TPCN1: variants seen among roughly 807,000 people sequenced by gnomAD.
TPCN1 encodes the protein two pore segment channel 1, also known as two pore channel protein 1.
TPCN1 carries 52 observed loss-of-function variants against 108.8 expected under a neutral mutation model. The ratio of observed to expected loss-of-function variants is 0.48; its 90% CI spans 0.38 to 0.60. The LOEUF (loss-of-function observed/expected upper bound fraction) is 0.60, where lower values mean the gene tolerates loss of function less well. Ranked by LOEUF, TPCN1 falls within the 20% of genes least tolerant of loss-of-function variation. The pLI, the probability that TPCN1 is intolerant of heterozygous loss-of-function variation, is 0.00. For synonymous variants in TPCN1, 446 were observed against 433.7 expected (o/e 1.03, Z -0.35); for missense variants, 806 against 1,072.8 (o/e 0.75, Z 3.47).
chr12:113,245,634 G>C (rs1954347594), intron 2 of TPCN1, among the ~76,000 whole-genome samples: 1 of 151,586 alleles, frequency 6.6e-6, no homozygotes, highest in Admixed American at 6.6e-5. Context: ...AAAGAAAAGG[G>C]GTAGGCCCCT....
intron 25 of TPCN1, 69 bp downstream of exon 25, chr12:113,292,027 G>C: frequency 1.4e-6 from 2 of 1,380,094 alleles, no homozygotes; most frequent in Non-Finnish European, 2.1e-6. Context: ...GTCTGTCTGG[G>C]TGGCTGTCCA....
intron 27 of TPCN1, among the ~76,000 whole-genome samples, chr12:113,295,637 C>A (rs1041004588): frequency 6.6e-6 from 1 of 152,020 alleles, no homozygotes; most frequent in Non-Finnish European, 1.5e-5. Flanking sequence ...CAAAAGGGGT[C>A]ACTCGGGGGG....
In TPCN1 at chr12:113,268,729, C is replaced by T; in HGVS notation, c.529-13C>T. On this transcript the variant is annotated splice_polypyrimidine_tract_variant and intron_variant, in intron 5 of 27. Transcript: ENST00000335509. This position sits in a 1 kb window ranked among gnomAD's most constrained non-coding sequence, Gnocchi z 7.3. ...TGCAGGGGCTGACGGTGCTCCATGC[C>T]TGCCACCCACAGACCTCGGTGCTGG... The T allele has an allele frequency of 6.2e-7, 1 of 1,612,878 alleles. No homozygotes were observed. The highest frequency in any genetic ancestry group is 1.1e-5 in the South Asian group (1 of 90,986).
In TPCN1 at chr12:113,288,148, GTCC is replaced by G. The variant is rs765676954; in HGVS notation, c.1635-9_1635-7del. ...GCACCTGTGTGTGGAGGTGACGGGT[GTCC>G]TCCTCGCTCAGGTTGTTTAAGTTGA... On this transcript the variant is annotated splice_polypyrimidine_tract_variant and intron_variant, in intron 19 of 27. Transcript: ENST00000335509. The surrounding 1 kb of genome is among the most constrained non-coding windows in gnomAD (Gnocchi z 4.8). The G allele has an allele frequency of 2.2e-5, 36 of 1,608,896 alleles. No individual in the cohort carries two copies. The highest frequency in any genetic ancestry group is 2.7e-5 in the Non-Finnish European group (32 of 1,176,630).
At chr12:113,264,072 A>ATT (rs11333427) in intron 3 of TPCN1, among the ~76,000 whole-genome samples, 3 of 147,966 alleles carry the variant, frequency 2.0e-5, no homozygotes, top group South Asian at 4.3e-4. Flanking sequence ...CAAGAAATAC[A>ATT]TTTTTTTTTT....
Position 113,266,938 on chromosome 12 carries a change from T to A in TPCN1, c.414+582T>A, listed in dbSNP as rs1955285199. Among the ~76,000 whole-genome samples the A allele has an allele frequency of 1.3e-5, 2 of 152,186 alleles. No homozygotes were observed. Among genetic ancestry groups the A allele is most frequent in the Non-Finnish European group, 2.9e-5 (2 of 68,024 alleles). ...CTCCAAGGCCCTCCATGACTCAGTT[T>A]CCCTTCCTGTTTCTCCTTCTTCATG... is the stretch of plus-strand genomic sequence containing the variant. On this transcript the variant is annotated intron_variant, in intron 4 of 27. Transcript: ENST00000335509. This position sits in a 1 kb window ranked among gnomAD's most constrained non-coding sequence, Gnocchi z 4.2.
intron 2 of TPCN1, among the ~76,000 whole-genome samples, chr12:113,227,203 T>C (rs1953503299): frequency 6.6e-6 from 1 of 152,198 alleles, no homozygotes; most frequent in Non-Finnish European, 1.5e-5. Context: ...CGCTACCTTC[T>C]CCACTGCCTG....
At chr12:113,223,517 T>G (rs924620330) in intron 1 of TPCN1, among the ~76,000 whole-genome samples, 2 of 151,234 alleles carry the variant, frequency 1.3e-5, no homozygotes, top group African/African-American at 4.9e-5. Flanking sequence ...CTCGGAGTGT[T>G]TTACTTATTT....
intron 10 of TPCN1, among the ~76,000 whole-genome samples, chr12:113,276,325 C>T (rs902859152): frequency 6.6e-6 from 1 of 152,218 alleles, no homozygotes; most frequent in Non-Finnish European, 1.5e-5. Context: ...CCCGGCCTTC[C>T]ATCCCCCTCT....
At position 113,272,087 on chromosome 12, in the gene TPCN1, G is replaced by C. The variant is rs144340408; in HGVS notation, c.749-571G>C. Among the ~76,000 whole-genome samples, 703 of 152,198 alleles carry C rather than the reference G, an allele frequency of 4.6e-3. 6 individuals are homozygous for C. The highest frequency in any genetic ancestry group is 0.016 in the African/African-American group (666 of 41,530). On this transcript the variant is annotated intron_variant, in intron 7 of 27. Coordinates refer to ENST00000335509, the MANE Select transcript of TPCN1 (RefSeq NM_017901.6). The surrounding 1 kb of genome is among the most constrained non-coding windows in gnomAD (Gnocchi z 4.1). Reference sequence around the variant, plus strand: ...TCCTCCCACCCACCACCCCACTCTTGGTAGAATTTTGTTTGTGCTTCTCCG... The same window carrying C: ...TCCTCCCACCCACCACCCCACTCTTCGTAGAATTTTGTTTGTGCTTCTCCG...
chr12:113,266,382 G>C lies in TPCN1; in HGVS notation c.414+26G>C. 6.3e-7 allele frequency: 1 copy of C among 1,597,278 alleles called. No homozygotes were observed. Among genetic ancestry groups the C allele is most frequent in the Non-Finnish European group, 8.5e-7 (1 of 1,176,778 alleles). ...GTGAGCGCACATGCTCCTCATACGG[G>C]GGGCTGGGAGCCACGGCTTTCAGGG... On this transcript the variant is annotated intron_variant, in intron 4 of 27. Coordinates refer to ENST00000335509, the MANE Select transcript of TPCN1 (RefSeq NM_017901.6). This position sits in a 1 kb window ranked among gnomAD's most constrained non-coding sequence, Gnocchi z 4.2.
chr12:113,291,757 C>T (rs1956276499), intron 24 of TPCN1, 80 bp downstream of exon 24: 3 of 1,578,846 alleles, frequency 1.9e-6, no homozygotes, highest in Non-Finnish European at 2.6e-6. Context: ...CCTGCAGCGT[C>T]AGGGAGTGGG....
chr12:113,278,218 T>A lies in TPCN1; in HGVS notation c.1214T>A (p.Val405Asp), dbSNP rs1955738968. Reference protein sequence around the residue: ...SLKDFYDIYEVAALKWKAKKN... With the variant: ...SLKDFYDIYEDAALKWKAKKN... ...AAGGACTTTTACGATATCTACGAAG[T>A]TGCTGCTTTGAAGTGGAAGGTGAGT... Residue 405 changes from valine (V) to aspartate (D), a missense_variant, in exon 13 of 28, where the codon GTT becomes GAT. Physicochemically the swap from Val to Asp is radical, Grantham distance 152. Coordinates refer to ENST00000335509, the MANE Select transcript of TPCN1 (RefSeq NM_017901.6). 1 of 1,613,900 alleles carries A rather than the reference T, an allele frequency of 6.2e-7. No homozygotes were observed. Among genetic ancestry groups the A allele is most frequent in the Non-Finnish European group, 8.5e-7 (1 of 1,179,888 alleles).
intron 2 of TPCN1, among the ~76,000 whole-genome samples, chr12:113,246,389 G>A (rs1283750471): frequency 6.6e-6 from 1 of 152,242 alleles, no homozygotes; most frequent in Non-Finnish European, 1.5e-5. Context: ...TTCCCTTCGT[G>A]GAACTTTCCC....
Position 113,268,776 on chromosome 12 carries a change from T to C in TPCN1, c.563T>C (p.Ile188Thr), listed in dbSNP as rs1475254696. 1 of 1,613,928 alleles carries C rather than the reference T, an allele frequency of 6.2e-7. No homozygotes were observed. Among genetic ancestry groups the C allele is most frequent in the Admixed American group, 1.7e-5 (1 of 60,016 alleles). ...SVLVVQFVEA[I>T]VVLVRQMSHV... is the part of the protein sequence containing the mutation. ...CTGGTGGTGCAGTTTGTCGAGGCCA[T>C]CGTGGTGTTGGTACGGCAGATGTCC... Residue 188 changes from isoleucine to threonine, a missense_variant, in exon 6 of 28, where the codon ATC becomes ACC. Coordinates refer to ENST00000335509, the MANE Select transcript of TPCN1 (RefSeq NM_017901.6). This position sits in a 1 kb window ranked among gnomAD's most constrained non-coding sequence, Gnocchi z 7.3.
At chr12:113,242,852 C>G (rs1954205528) in intron 2 of TPCN1, among the ~76,000 whole-genome samples, 1 of 152,188 alleles carries the variant, frequency 6.6e-6, no homozygotes, top group African/African-American at 2.4e-5. Context: ...CACTGGCCAC[C>G]AGCCCCCACG....
At chr12:113,221,753 G>C (rs1307187690) in intron 1 of TPCN1, 127 bp downstream of exon 1, 1 of 153,260 alleles carries the variant, frequency 6.5e-6, no homozygotes, top group African/African-American at 2.4e-5. Flanking sequence ...GGGCCCAGAG[G>C]GGGCGCAGGG....
In TPCN1 at chr12:113,277,483, T is replaced by A. The variant is rs1031675292; in HGVS notation, c.1184+119T>A. ...GCCTATAGGCTTGTCAGAGACTTCC[T>A]CCACAGATGTTTATCCATGTAGACT... On this transcript the variant is annotated intron_variant, in intron 12 of 27. Transcript: ENST00000335509. 5.7e-6 allele frequency: 7 copies of A among 1,228,590 alleles called. No individual in the cohort carries two copies. In the African/African-American group the frequency reaches 9.0e-5, roughly 16 times the overall value. 76.1% of individuals were successfully genotyped at this position (1,228,590 alleles called of 1,614,324 possible).
rs904886605 is a variant in TPCN1, at chr12:113,268,451, G to A, written c.529-291G>A. Among the ~76,000 whole-genome samples the A allele has an allele frequency of 3.3e-5, 5 of 152,258 alleles. No individual in the cohort carries two copies. The highest frequency in any genetic ancestry group is 4.8e-5 in the African/African-American group (2 of 41,472). ...GCAGGCCCCGGGATCCCTGATGTGAGTGGCGAGGGCTGATCGAGGGGTCCT... is the reference window on the plus strand; with the variant it reads ...GCAGGCCCCGGGATCCCTGATGTGAATGGCGAGGGCTGATCGAGGGGTCCT... On this transcript the variant is annotated intron_variant, in intron 5 of 27. Transcript: ENST00000335509. The surrounding 1 kb of genome is among the most constrained non-coding windows in gnomAD (Gnocchi z 7.3).
Sources: allele counts gnomAD v4.1 joint callset (sites outside exome capture counted in the v4.1 genomes callset), GRCh38; gene constraint gnomAD v4.1.1; non-coding constraint Gnocchi (gnomAD v3.1); transcripts MANE v1.5; gene names NCBI Gene and HGNC (gene_info 2026-07-23, HGNC 2026-07-21).